Variants in TUBB8 observed in about 807,000 individuals in gnomAD.
TUBB8 encodes the protein tubulin beta-8 chain.
In TUBB8, 25 loss-of-function variants were observed where a neutral mutation model predicts 33.7. That is an observed-to-expected ratio of 0.74 (90% CI 0.54 to 1.04). The LOEUF (loss-of-function observed/expected upper bound fraction) is 1.04. TUBB8 is among the 50% of genes least tolerant of loss of function. TUBB8 has a pLI of 0.00. For missense variants in TUBB8, 279 were observed against 608.0 expected (o/e 0.46, Z 5.69); for synonymous variants, 245 against 240.1 (o/e 1.02, Z -0.19).
chr10:51,676 G>A (rs561810546), upstream of TUBB8, among the ~76,000 whole-genome samples: 2 of 152,290 alleles, frequency 1.3e-5, no homozygotes, highest in South Asian at 4.1e-4. Context: ...GGCTTTAAGG[G>A]TTGTGTCTGG....
chr10:68,712 C>G (rs1834702085), intron 1 of TUBB8, among the ~76,000 whole-genome samples: 1 of 152,234 alleles, frequency 6.6e-6, no homozygotes, highest in Non-Finnish European at 1.5e-5. Context: ...ACACAAAACA[C>G]TCCAGTGTAT....
chr10:58,006 G>A (rs1439294880), intron 1 of TUBB8, among the ~76,000 whole-genome samples: 17 of 152,186 alleles, frequency 1.1e-4, no homozygotes, highest in African/African-American at 3.9e-4. Context: ...TGTGAGCATA[G>A]GTTGTTAGAA....
At chr10:71,268 T>C (rs1554742275) in intron 1 of TUBB8, among the ~76,000 whole-genome samples, 1 of 150,706 alleles carries the variant, frequency 6.6e-6, no homozygotes, top group African/African-American at 2.4e-5. Flanking sequence ...CGAGCGGAGA[T>C]CGTGCCACTA....
intron 1 of TUBB8, among the ~76,000 whole-genome samples, chr10:64,718 T>C (rs12761585): frequency 0.093 from 10,402 of 111,714 alleles, no homozygotes; most frequent in African/African-American, 0.22. Flanking sequence ...CATACCCCTA[T>C]ACATACTGAA....
At chr10:57,429 C>A (rs1834545804) in intron 1 of TUBB8, among the ~76,000 whole-genome samples, 1 of 152,246 alleles carries the variant, frequency 6.6e-6, no homozygotes, top group Non-Finnish European at 1.5e-5. Flanking sequence ...AAGGGCTCCA[C>A]CCCTGCAGCA....
chr10:48,383 A>G (rs1454887682), intron 3 of TUBB8: 1 of 635,762 alleles, frequency 1.6e-6, no homozygotes, highest in African/African-American at 1.8e-5. Flanking sequence ...CCACGGCCCC[A>G]GCTCAGGTTC....
At chr10:49,515 T>C (rs1431638842), upstream of TUBB8, 17 of 647,210 alleles carry the variant, frequency 2.6e-5, no homozygotes, top group Admixed American at 3.3e-4. Flanking sequence ...CCCGCGTCTT[T>C]AGTAAGACTA....
chr10:50,361 G>A (rs1305499728), upstream of TUBB8: 7 of 152,176 alleles, frequency 4.6e-5, no homozygotes, highest in Non-Finnish European at 7.3e-5. Context: ...CATTCAGCCC[G>A]AGGGGCCCTG....
In TUBB8 at chr10:47,469, C is replaced by G. The variant is rs782289021; in HGVS notation, c.923G>C (p.Gly308Ala). Residue 308 changes from glycine to alanine, a missense_variant, in exon 4 of 4, where the codon GGC becomes GCC. Gly to Ala is a moderately conservative substitution (Grantham distance 60). Transcript: ENST00000568584. ...NMMAACDPRH[G>A]RYLTAAAIFR... ...AATGGCAGCCGCCGTTAGGTAGCGGCCGTGACGGGGGTCACAGGCAGCCAT... is the reference window on the plus strand; with the variant it reads ...AATGGCAGCCGCCGTTAGGTAGCGGGCGTGACGGGGGTCACAGGCAGCCAT... 5 of 1,612,318 alleles carry G rather than the reference C, an allele frequency of 3.1e-6. No homozygotes were observed.
At chr10:72,978 GAA>G (rs202177649) in intron 1 of TUBB8, among the ~76,000 whole-genome samples, 1 of 141,188 alleles carries the variant, frequency 7.1e-6, no homozygotes, top group African/African-American at 2.6e-5. Context: ...AAGGCCAAGG[GAA>G]AAAAAAAAAG....
At chr10:48,393 C>A (rs1474033543) in intron 3 of TUBB8, 1 of 640,428 alleles carries the variant, frequency 1.6e-6, no homozygotes, top group Admixed American at 2.6e-5. Flanking sequence ...AGCTCAGGTT[C>A]TTGCAGGGAG....
chr10:46,640 T>C (rs1282873162), downstream of TUBB8, among the ~76,000 whole-genome samples: 2 of 150,846 alleles, frequency 1.3e-5, no homozygotes, highest in Non-Finnish European at 3.0e-5. Flanking sequence ...GTTTGGTATA[T>C]GGGATAAGCC....
Position 47,641 on chromosome 10 carries a change from G to A in TUBB8, c.751C>T (p.Arg251Trp), listed in dbSNP as rs782167952. 26 of 1,609,110 alleles carry A rather than the reference G, an allele frequency of 1.6e-5. No homozygotes were observed. Among genetic ancestry groups the A allele is most frequent in the Admixed American group, 1.7e-5 (1 of 59,904 alleles). Residue 251 changes from arginine to tryptophan, a missense_variant, in exon 4 of 4, where the codon CGG becomes TGG. Coordinates refer to ENST00000568584, the MANE Select transcript of TUBB8 (RefSeq NM_177987.3). Reference sequence around the variant, plus strand: ...GGGACCATGTTCACGGCCAGCTTCCGCAGGTCAGCATTCAGCTGGCCCGGG... The same window carrying A: ...GGGACCATGTTCACGGCCAGCTTCCACAGGTCAGCATTCAGCTGGCCCGGG... Reference protein sequence around the residue: ...RFPGQLNADLRKLAVNMVPFP... With the variant: ...RFPGQLNADLWKLAVNMVPFP...
Position 48,256 on chromosome 10 carries a change from C to T in TUBB8, c.278-142G>A, listed in dbSNP as rs542094729. On this transcript the variant is annotated intron_variant, in intron 3 of 3. Coordinates refer to ENST00000568584, the MANE Select transcript of TUBB8 (RefSeq NM_177987.3). ...AGGTGGAGCAGATGAAACCCCCTCC[C>T]CCAGAGTTACAGGACAGCAGCTTCC... The T allele has an allele frequency of 1.6e-4, 159 of 988,784 alleles. No homozygotes were observed. The African/African-American group carries it at 2.4e-3, about 15-fold the overall frequency. The allele number at this position is 988,784 out of a possible 1,614,324, so 61.3% of individuals were successfully genotyped here.
intron 1 of TUBB8, among the ~76,000 whole-genome samples, chr10:67,614 C>T (rs375535474): frequency 6.6e-6 from 1 of 152,066 alleles, no homozygotes; most frequent in African/African-American, 2.4e-5. Flanking sequence ...TTAGTACAGA[C>T]GGGGTTTCAC....
At position 65,812 on chromosome 10, in the gene TUBB8, T is replaced by G. The variant is rs1241137612; in HGVS notation, c.-846+8157A>C. On this transcript the variant is annotated intron_variant, in intron 1 of 3. Transcript: ENST00000564130. ...CACGTATTTTGAGGATTGCACAACA[T>G]GATCACTACATCCTTTTCTCAGAAA... Among the ~76,000 whole-genome samples, 4 of 152,250 alleles carry G rather than the reference T, an allele frequency of 2.6e-5. No homozygotes were observed. In the East Asian group the frequency reaches 7.7e-4, roughly 29 times the overall value.
intron 1 of TUBB8, among the ~76,000 whole-genome samples, chr10:59,926 G>A (rs1273101387): frequency 6.6e-6 from 1 of 151,998 alleles, no homozygotes; most frequent in South Asian, 2.1e-4. Context: ...ATTACTTATA[G>A]TAGCCACTAA....
At chr10:52,674 C>A (rs1423076292), upstream of TUBB8, among the ~76,000 whole-genome samples, 2 of 152,236 alleles carry the variant, frequency 1.3e-5, no homozygotes, top group Admixed American at 1.3e-4. Context: ...ACAAAAAATG[C>A]TGCACTCCTA....
intron 1 of TUBB8, among the ~76,000 whole-genome samples, chr10:61,083 G>A (rs1254590341): frequency 1.6e-5 from 2 of 121,526 alleles, no homozygotes; most frequent in Non-Finnish European, 1.7e-5. Flanking sequence ...TGTGGGGTGG[G>A]GGGAGGGGGG....
Sources: gnomAD v4.1 joint callset for allele counts (sites outside exome capture counted in the v4.1 genomes callset) on GRCh38, gnomAD v4.1.1 for gene constraint, MANE v1.5 for transcripts, NCBI Gene and HGNC (gene_info 2026-07-23, HGNC 2026-07-21) for gene names.